TNC: variants seen among roughly 807,000 people sequenced by gnomAD.
TNC encodes the protein tenascin.
Under a neutral mutation model 202.4 loss-of-function variants are expected in TNC, and 109 were observed. That is an observed-to-expected ratio of 0.54 (90% CI 0.46 to 0.63). The LOEUF (loss-of-function observed/expected upper bound fraction) is 0.63. Ranked by LOEUF, TNC falls within the 30% of genes least tolerant of loss-of-function variation. The probability of loss-of-function intolerance (pLI) is 0.00; values close to 1 mark genes in which losing one functional copy is unlikely to be tolerated. For synonymous variants in TNC, 1,007 were observed against 1,089.7 expected (o/e 0.92, Z 1.50); for missense variants, 2,756 against 2,833.3 (o/e 0.97, Z 0.62).
intron 1 of TNC, among the ~76,000 whole-genome samples, chr9:115,103,899 A>G (rs993248614): frequency 3.3e-5 from 5 of 152,182 alleles, no homozygotes; most frequent in African/African-American, 1.2e-4. Context: ...ATTTCCATCC[A>G]GACACAATAA....
rs1452187439 is a variant in TNC at position 115,024,119 on chromosome 9, G to A, written c.6349C>T (p.His2117Tyr). ...SGTAGDSMAY[H>Y]NGRSFSTFDK... The stretch of plus-strand genomic sequence containing the variant: ...AAGGTGGAGAAGGATCTGCCATTGT[G>A]GTAGGCCATGGAGTCACCTGGGAGA... Residue 2117 changes from histidine to tyrosine, a missense_variant, in exon 27 of 28, where the codon CAC becomes TAC. Around this residue, in one of 2 missense-constraint regions of TNC, gnomAD observed 197 missense variants for 287.3 expected, o/e 0.69. Coordinates refer to ENST00000350763, the MANE Select transcript of TNC (RefSeq NM_002160.4). The A allele has an allele frequency of 1.9e-6, 3 of 1,614,022 alleles. No homozygotes were observed. Among genetic ancestry groups the A allele is most frequent in the Admixed American group, 1.7e-5 (1 of 60,016 alleles).
chr9:115,089,776 A>C (rs1230651103), intron 2 of TNC, among the ~76,000 whole-genome samples: 1 of 152,226 alleles, frequency 6.6e-6, no homozygotes, highest in African/African-American at 2.4e-5. Flanking sequence ...CTGGGATTAC[A>C]GGCGTGAACC....
chr9:115,115,215 A>G (rs891543904), intron 1 of TNC: 33 of 152,198 alleles, frequency 2.2e-4, no homozygotes, highest in Admixed American at 2.1e-3. Context: ...CTCTTTCCAA[A>G]TTCCATTCTG....
At position 115,063,139 on chromosome 9, in the gene TNC, C is replaced by A. The variant is rs1379279784; in HGVS notation, c.3811G>T (p.Ala1271Ser). The change falls in exon 13 of 28, where the codon GCT becomes TCT. Residue 1271 changes from alanine (A) to serine (S), a missense_variant. Physicochemically the swap from Ala to Ser is moderately conservative, Grantham distance 99. Around this residue, in one of 2 missense-constraint regions of TNC, gnomAD observed 2,559 missense variants for 2,546.0 expected, o/e 1.01. Coordinates refer to ENST00000350763, the MANE Select transcript of TNC (RefSeq NM_002160.4). ...GGCGTGGTCCAGTTCAGTCTGAGAG[C>A]ATCCCAGCTAACCTCGGTCACTGTG... Reference protein sequence around the residue: ...NLTVTEVSWDALRLNWTTPDG... With the variant: ...NLTVTEVSWDSLRLNWTTPDG... 2.5e-6 allele frequency: 4 copies of A among 1,614,180 alleles called. No homozygotes were observed. Among genetic ancestry groups the A allele is most frequent in the Non-Finnish European group, 3.4e-6 (4 of 1,180,030 alleles).
At chr9:115,101,174 C>T (rs1012863103) in intron 1 of TNC, among the ~76,000 whole-genome samples, 10 of 152,294 alleles carry the variant, frequency 6.6e-5, no homozygotes, top group African/African-American at 1.4e-4. Context: ...TCTGTATAAT[C>T]GCAAAGCTCA....
chr9:115,041,309 C>T lies in TNC; in HGVS notation c.5249-225G>A, dbSNP rs12343556. ...ATGCCAAAAACAAAGCCAGGAGGGG[C>T]GGGGGAAAACATGAAGTCACAACGT... On this transcript the variant is annotated intron_variant, in intron 18 of 27. Transcript: ENST00000350763. Among the ~76,000 whole-genome samples, 87 of 132,392 alleles carry T rather than the reference C, an allele frequency of 6.6e-4. 1 individual carries two copies. Among genetic ancestry groups the T allele is most frequent in the Middle Eastern group, 4.3e-3 (1 of 234 alleles). 86.9% of individuals were successfully genotyped at this position (132,392 alleles called of 152,430 possible). A position where few individuals can be genotyped will look rare whatever the true frequency, so the allele number is the denominator to read the frequency against.
intron 17 of TNC, among the ~76,000 whole-genome samples, chr9:115,046,120 C>A (rs1366159997): frequency 6.6e-6 from 1 of 152,036 alleles, no homozygotes; most frequent in Admixed American, 6.6e-5. Flanking sequence ...TTAATGGCAA[C>A]GTGAATAGCT....
intron 26 of TNC, 77 bp from the exon 27 acceptor site, chr9:115,024,213 A>G: frequency 6.7e-7 from 1 of 1,495,000 alleles, no homozygotes; most frequent in Non-Finnish European, 9.2e-7. Context: ...GCAGAACCAG[A>G]GGTGACAATT....
chr9:115,073,557 C>A, intron 10 of TNC, 46 bp downstream of exon 10: 1 of 1,587,804 alleles, frequency 6.3e-7, no homozygotes, highest in African/African-American at 1.3e-5. Context: ...GATCTGCTAA[C>A]CTCAGAATCA....
At chr9:115,098,434 T>C (rs1056149386) in intron 1 of TNC, among the ~76,000 whole-genome samples, 2 of 152,198 alleles carry the variant, frequency 1.3e-5, no homozygotes, top group South Asian at 2.1e-4. Flanking sequence ...ACAGTTATTT[T>C]TGGGCACCTC....
Position 115,031,690 on chromosome 9 carries a change from G to C in TNC, c.5788-5C>G. 6.2e-7 allele frequency: 1 copy of C among 1,605,506 alleles called. No individual in the cohort carries two copies. Among genetic ancestry groups the C allele is most frequent in the Non-Finnish European group, 8.5e-7 (1 of 1,177,168 alleles). ...ATCTGGACCCACAATGACTTCCTAA[G>C]AGCAGAAGAAAAAGTATAATGGCTT... On this transcript the variant is annotated splice_region_variant and splice_polypyrimidine_tract_variant and intron_variant, in intron 22 of 27. Transcript: ENST00000350763.
rs1341557156 is a variant in TNC, at chr9:115,076,371, G to T, written c.2860+19C>A. ...CTCTAGGGCTGGCTGGCTCAGGCTT[G>T]CAGAGATGCAGAGCTCACCTGTGAG... On this transcript the variant is annotated intron_variant, in intron 8 of 27. Transcript: ENST00000350763. 6.2e-7 allele frequency: 1 copy of T among 1,613,116 alleles called. No homozygotes were observed.
At chr9:115,057,652 AC>A (rs1832238289) in intron 14 of TNC, among the ~76,000 whole-genome samples, 1 of 152,262 alleles carries the variant, frequency 6.6e-6, no homozygotes, top group African/African-American at 2.4e-5. Flanking sequence ...AGATTTCTCT[AC>A]ATGCAGTTGC....
rs7038605 is a variant in TNC, at chr9:115,091,051, G to T, written c.-33C>A. On this transcript the variant is annotated 5_prime_UTR_variant, in exon 2 of 28. Transcript: ENST00000350763. ...GTGGGTTTGGCTGGGTGCTGCTGGGGCTCTAGGGCTCTAGGGTATCTCACT... is the reference window on the plus strand; with the variant it reads ...GTGGGTTTGGCTGGGTGCTGCTGGGTCTCTAGGGCTCTAGGGTATCTCACT... 1.3e-6 allele frequency: 2 copies of T among 1,538,086 alleles called. No homozygotes were observed. Among genetic ancestry groups the T allele is most frequent in the Non-Finnish European group, 1.8e-6 (2 of 1,126,096 alleles).
intron 22 of TNC, among the ~76,000 whole-genome samples, chr9:115,034,697 C>T (rs1779173273): frequency 6.6e-6 from 1 of 152,130 alleles, no homozygotes. Flanking sequence ...AGGAAATCTC[C>T]TTCGCTTGTT....
rs201999283 is a variant in TNC, at chr9:115,076,551, C to A, written c.2699G>T (p.Arg900Leu). 2 of 1,614,038 alleles carry A rather than the reference C, an allele frequency of 1.2e-6. No individual in the cohort carries two copies. Among genetic ancestry groups the A allele is most frequent in the Non-Finnish European group, 1.7e-6 (2 of 1,180,042 alleles). Reference protein sequence around the residue: ...TTGLDAPRNLRRVSQTDNSIT... With the variant: ...TTGLDAPRNLLRVSQTDNSIT... ...GCTGTTATCTGTCTGGGAAACACGT[C>A]GAAGATTCCTGGGAGCATCGAGGCC... is the stretch of plus-strand genomic sequence containing the variant. The change falls in exon 8 of 28, where the codon CGA becomes CTA. Residue 900 changes from arginine to leucine, a missense_variant. Transcript: ENST00000350763.
At chr9:115,077,890 A>T in intron 7 of TNC, 53 bp downstream of exon 7, 2 of 1,469,152 alleles carry the variant, frequency 1.4e-6, no homozygotes, top group Non-Finnish European at 1.9e-6. Flanking sequence ...AGTGGGATGG[A>T]AATCTTTCAA....
chr9:115,090,459 G>A (rs1301194975), intron 2 of TNC, 103 bp downstream of exon 2: 11 of 929,258 alleles, frequency 1.2e-5, no homozygotes, highest in African/African-American at 5.0e-5. Flanking sequence ...TGGGAAGCTA[G>A]TTTTCTAGTG....
chr9:115,115,762 A>G (rs1391522591), intron 1 of TNC, among the ~76,000 whole-genome samples: 5 of 152,132 alleles, frequency 3.3e-5, no homozygotes, highest in African/African-American at 1.2e-4. Context: ...TGATTTGTAA[A>G]TGTGCTTTTT....
Sources: gnomAD v4.1 joint callset for allele counts (sites outside exome capture counted in the v4.1 genomes callset) on GRCh38, gnomAD v4.1.1 for gene constraint, gnomAD v4.1.1 regional missense constraint, MANE v1.5 for transcripts, NCBI Gene and HGNC (gene_info 2026-07-23, HGNC 2026-07-21) for gene names.